The following PRDM2 variants were observed in gnomAD, a reference collection of about 807,000 sequenced individuals.
The protein encoded by PRDM2 is PR/SET domain 2.
PRDM2 carries 30 observed loss-of-function variants against 130.0 expected under a neutral mutation model. That is an observed-to-expected ratio of 0.23 (90% CI 0.17 to 0.31). The LOEUF (loss-of-function observed/expected upper bound fraction) is 0.31, where lower values mean the gene tolerates loss of function less well. PRDM2 is among the 10% of genes least tolerant of loss of function. The pLI, the probability that PRDM2 is intolerant of heterozygous loss-of-function variation, is 1.00. For synonymous variants in PRDM2, 871 were observed against 782.4 expected (o/e 1.11, Z -1.89); for missense variants, 2,011 against 2,108.4 (o/e 0.95, Z 0.90).
intron 2 of PRDM2, chr1:13,717,567 A>G (rs1569714372): frequency 2.2e-6 from 1 of 445,162 alleles, no homozygotes; most frequent in Non-Finnish European, 3.0e-6. Context: ...GACTTGTAAT[A>G]TTTCTAGTGA....
In PRDM2 at chr1:13,779,770, A is replaced by C. The variant is rs1025915665; in HGVS notation, c.1975A>C (p.Met659Leu). 1 of 1,614,078 alleles carries C rather than the reference A, an allele frequency of 6.2e-7. No individual in the cohort carries two copies. Among genetic ancestry groups the C allele is most frequent in the African/African-American group, 1.3e-5 (1 of 74,922 alleles). ...KIKAETDSDP[M>L]VPSCSLSLPL... Reference sequence around the variant, plus strand: ...TAAGGCCGAAACAGACTCTGACCCCATGGTCCCCTCTTGCTCTTTAAGTCT... The same window carrying C: ...TAAGGCCGAAACAGACTCTGACCCCCTGGTCCCCTCTTGCTCTTTAAGTCT... Residue 659 changes from methionine to leucine, a missense_variant, in exon 8 of 10, where the codon ATG (methionine) becomes CTG (leucine). Coordinates refer to ENST00000311066, the MANE Select transcript of PRDM2 (RefSeq NM_001393986.1). The surrounding 1 kb of genome is among the most constrained non-coding windows in gnomAD (Gnocchi z 4.9).
chr1:13,802,264 A>G (rs1279227974), intron 8 of PRDM2, among the ~76,000 whole-genome samples: 1 of 152,178 alleles, frequency 6.6e-6, no homozygotes, highest in African/African-American at 2.4e-5. Context: ...TGACAGTGCC[A>G]GCCCTGCATC....
At chr1:13,757,636 A>AT (rs1157778133) in intron 6 of PRDM2, among the ~76,000 whole-genome samples, 1 of 152,216 alleles carries the variant, frequency 6.6e-6, no homozygotes, top group Non-Finnish European at 1.5e-5. Context: ...CTAAAGATTA[A>AT]TTACAGAAAC....
intron 8 of PRDM2, among the ~76,000 whole-genome samples, chr1:13,807,999 T>C (rs1645111308): frequency 6.6e-6 from 1 of 152,200 alleles, no homozygotes; most frequent in Admixed American, 6.5e-5. Context: ...TTAGTTTTTG[T>C]TCTAAGTAAA....
intron 8 of PRDM2, among the ~76,000 whole-genome samples, chr1:13,789,739 A>G (rs1245067393): frequency 6.6e-6 from 1 of 152,242 alleles, no homozygotes; most frequent in Non-Finnish European, 1.5e-5. Flanking sequence ...ATAAAGGGCA[A>G]TTTACCTTGA....
intron 1 of PRDM2, among the ~76,000 whole-genome samples, chr1:13,709,321 C>T (rs1013952253): frequency 3.3e-5 from 5 of 152,094 alleles, no homozygotes; most frequent in Non-Finnish European, 7.4e-5. Context: ...AGATTCTAAT[C>T]GTGGAGTCTT....
intron 1 of PRDM2, among the ~76,000 whole-genome samples, chr1:13,712,973 C>T (rs114549819): frequency 0.017 from 2,566 of 152,278 alleles, 41 homozygotes; most frequent in South Asian, 0.083. Context: ...CTCTCTGCTT[C>T]CCCAGGCTGC....
At chr1:13,752,186 T>A (rs1205950613) in intron 6 of PRDM2, among the ~76,000 whole-genome samples, 1 of 152,214 alleles carries the variant, frequency 6.6e-6, no homozygotes, top group Non-Finnish European at 1.5e-5. Context: ...TGGCAATGAC[T>A]CACACAAATG....
chr1:13,745,864 G>A (rs1488384123), intron 5 of PRDM2, among the ~76,000 whole-genome samples: 4 of 152,204 alleles, frequency 2.6e-5, no homozygotes, highest in Non-Finnish European at 4.4e-5. Flanking sequence ...ACCCACTGGC[G>A]AGTTGAGGCC....
intron 8 of PRDM2, among the ~76,000 whole-genome samples, chr1:13,801,404 T>C (rs1373429172): frequency 1.3e-5 from 2 of 152,086 alleles, no homozygotes; most frequent in East Asian, 3.9e-4. Flanking sequence ...TGACAACCTG[T>C]CTCCTCTTCT....
intron 8 of PRDM2, among the ~76,000 whole-genome samples, chr1:13,793,764 A>G (rs1339324773): frequency 6.6e-6 from 1 of 152,198 alleles, no homozygotes; most frequent in Non-Finnish European, 1.5e-5. Context: ...CCACGTTGGA[A>G]GAACTGTCTT....
chr1:13,822,895 G>A (rs536534231), intron 9 of PRDM2, among the ~76,000 whole-genome samples: 36 of 152,244 alleles, frequency 2.4e-4, no homozygotes, highest in African/African-American at 7.7e-4. Flanking sequence ...GGTTCTTCCC[G>A]AGGGCGGGAG....
At chr1:13,774,660 C>G (rs565981472) in intron 7 of PRDM2, among the ~76,000 whole-genome samples, 1 of 152,282 alleles carries the variant, frequency 6.6e-6, no homozygotes, top group Middle Eastern at 3.4e-3. Flanking sequence ...TTTCTCCTGA[C>G]ACAACATCAG....
Position 13,808,086 on chromosome 1 carries a change from G to A in PRDM2, c.5037-8341G>A, listed in dbSNP as rs113035672. Among the ~76,000 whole-genome samples, 125 of 152,324 alleles carry A rather than the reference G, an allele frequency of 8.2e-4. 1 individual carries two copies. The Middle Eastern group carries it at 0.01, about 12-fold the overall frequency. On this transcript the variant is annotated intron_variant, in intron 8 of 9. Coordinates refer to ENST00000311066, the MANE Select transcript of PRDM2 (RefSeq NM_001393986.1). ...GGCCAGACACTTCTGGGCAAAGCCTGTGTGGGGCACACAGCAGGTTCCTCC... is the reference window on the plus strand; with the variant it reads ...GGCCAGACACTTCTGGGCAAAGCCTATGTGGGGCACACAGCAGGTTCCTCC...
At chr1:13,763,061 A>G (rs139687877) in intron 6 of PRDM2, among the ~76,000 whole-genome samples, 25 of 152,342 alleles carry the variant, frequency 1.6e-4, no homozygotes, top group African/African-American at 5.5e-4. Context: ...ACCTCTGCTA[A>G]AATGTGGCAT....
At chr1:13,700,791 T>A (rs1642049822) in intron 1 of PRDM2, among the ~76,000 whole-genome samples, 1 of 152,196 alleles carries the variant, frequency 6.6e-6, no homozygotes, top group Non-Finnish European at 1.5e-5. Flanking sequence ...TCTTTGTGTT[T>A]CCCAAATAGT....
At chr1:13,818,531 A>T (rs1570134975) in intron 9 of PRDM2, among the ~76,000 whole-genome samples, 1 of 145,566 alleles carries the variant, frequency 6.9e-6, no homozygotes, top group African/African-American at 2.5e-5. Flanking sequence ...GGCACCCGCC[A>T]CTACTCCTGG....
intron 6 of PRDM2, among the ~76,000 whole-genome samples, chr1:13,754,134 C>T (rs1643895447): frequency 6.6e-6 from 1 of 152,112 alleles, no homozygotes; most frequent in Non-Finnish European, 1.5e-5. Flanking sequence ...CTGAGGTCTC[C>T]AGGAAGAGGG....
At chr1:13,723,843 G>T (rs1173690060) in intron 2 of PRDM2, among the ~76,000 whole-genome samples, 1 of 152,190 alleles carries the variant, frequency 6.6e-6, no homozygotes, top group Admixed American at 6.5e-5. Flanking sequence ...TTGCCCGTTC[G>T]CAGTGACCAC....
Sources: gnomAD v4.1 joint callset for allele counts (sites outside exome capture counted in the v4.1 genomes callset) on GRCh38, gnomAD v4.1.1 for gene constraint, Gnocchi (gnomAD v3.1) non-coding constraint, MANE v1.5 for transcripts, NCBI Gene and HGNC (gene_info 2026-07-23, HGNC 2026-07-21) for gene names.